SCN11A: variants seen among roughly 807,000 people sequenced by gnomAD.
SCN11A encodes the protein sodium channel protein type 11 subunit alpha.
In SCN11A, 122 loss-of-function variants were observed where a neutral mutation model predicts 162.2. The observed-to-expected ratio is 0.75, with a 90% confidence interval of 0.65 to 0.87. The LOEUF is 0.87. Among genes scored for constraint, SCN11A ranks in the 40% least tolerant of loss-of-function variants. SCN11A has a pLI of 0.00. For synonymous variants in SCN11A, 758 were observed against 751.5 expected, an observed-to-expected ratio of 1.01 and a Z score of -0.14; for missense variants, 2,015 against 2,181.6, an observed-to-expected ratio of 0.92 and a Z score of 1.52.
intron 7 of SCN11A, among the ~76,000 whole-genome samples, chr3:38,935,751 C>G (rs2066320818): frequency 6.6e-6 from 1 of 152,164 alleles, no homozygotes; most frequent in African/African-American, 2.4e-5. Flanking sequence ...CAAAAAGAGT[C>G]CAGGACCAGA....
At chr3:38,990,093 AG>A (rs2030405334) in intron 2 of SCN11A, among the ~76,000 whole-genome samples, 1 of 152,208 alleles carries the variant, frequency 6.6e-6, no homozygotes, top group Admixed American at 6.5e-5. Context: ...CCTGGGGATC[AG>A]GGGAAGTGCA....
At chr3:38,857,301 A>T (rs774874349) in intron 28 of SCN11A, among the ~76,000 whole-genome samples, 3 of 152,160 alleles carry the variant, frequency 2.0e-5, no homozygotes, top group Admixed American at 6.5e-5. Flanking sequence ...AATAGATATC[A>T]TAAAGAAAAA....
intron 2 of SCN11A, among the ~76,000 whole-genome samples, 190 bp from the exon 3 acceptor site, chr3:38,960,613 G>T (rs2066732780): frequency 6.6e-6 from 1 of 151,340 alleles, no homozygotes; most frequent in African/African-American, 2.4e-5. Flanking sequence ...ACAGGTTGTT[G>T]TTTTTTTTTC....
At chr3:38,906,316 G>A (rs950365967) in intron 14 of SCN11A, among the ~76,000 whole-genome samples, 5 of 151,962 alleles carry the variant, frequency 3.3e-5, no homozygotes, top group African/African-American at 1.2e-4. Context: ...CCTCCTTAAT[G>A]ATAAGAATAA....
At chr3:38,971,165 T>C (rs1352503575) in intron 2 of SCN11A, among the ~76,000 whole-genome samples, 1 of 152,082 alleles carries the variant, frequency 6.6e-6, no homozygotes, top group Non-Finnish European at 1.5e-5. Context: ...TCTTGTTTTT[T>C]TTTTTAACAG....
At chr3:38,915,646 T>C (rs536239153) in intron 11 of SCN11A, among the ~76,000 whole-genome samples, 47 of 152,330 alleles carry the variant, frequency 3.1e-4, no homozygotes, top group Non-Finnish European at 5.6e-4. Context: ...TCTATTTTTA[T>C]TGTGCTGTGG....
At chr3:38,982,270 T>C (rs1176196253) in intron 2 of SCN11A, among the ~76,000 whole-genome samples, 1 of 152,208 alleles carries the variant, frequency 6.6e-6, no homozygotes, top group Non-Finnish European at 1.5e-5. Context: ...GCCTACTCTG[T>C]GGGACCACAT....
intron 2 of SCN11A, among the ~76,000 whole-genome samples, chr3:39,031,534 C>CA (rs71622553): frequency 0.063 from 7,670 of 121,772 alleles, 329 homozygotes; most frequent in African/African-American, 0.16. Context: ...AAACAAAAAA[C>CA]AAACAAACAA....
chr3:39,042,973 A>AG lies in SCN11A; in HGVS notation c.-404+8887_-404+8888insC, dbSNP rs1559584038. On this transcript the variant is annotated intron_variant, in intron 1 of 29. Transcript: ENST00000302328. ...ACTCCATCTCAAAAAAAAAAAAAAA[A>AG]AAAAAAGAAAAAGAAAAAAGAAATG... Among the ~76,000 whole-genome samples, 594 of 141,174 alleles carry AG rather than the reference A, an allele frequency of 4.2e-3. 2 individuals are homozygous for AG. The highest frequency in any genetic ancestry group is 0.015 in the East Asian group (76 of 5,114). The allele number at this position is 141,174 out of a possible 152,430, so 92.6% of individuals were successfully genotyped here.
chr3:38,895,949 T>C (rs1442388475), intron 18 of SCN11A, among the ~76,000 whole-genome samples: 1 of 152,186 alleles, frequency 6.6e-6, no homozygotes, highest in African/African-American at 2.4e-5. Flanking sequence ...TATATTGCAC[T>C]ATAACCCCAA....
chr3:38,926,660 G>T, intron 8 of SCN11A, 143 bp downstream of exon 8: 1 of 835,164 alleles, frequency 1.2e-6, no homozygotes. Flanking sequence ...TGCTGTTCAG[G>T]GCCAACCAAC....
chr3:39,044,301 C>T (rs945536017), intron 1 of SCN11A, among the ~76,000 whole-genome samples: 11 of 152,136 alleles, frequency 7.2e-5, no homozygotes, highest in Non-Finnish European at 1.5e-4. Flanking sequence ...CAGATTTAAA[C>T]GGCAATATAG....
At chr3:38,873,032 A>G (rs1439401068) in intron 23 of SCN11A, among the ~76,000 whole-genome samples, 1 of 152,226 alleles carries the variant, frequency 6.6e-6, no homozygotes, top group Non-Finnish European at 1.5e-5. Flanking sequence ...TTCTCTCCCA[A>G]TATGCTTCTT....
chr3:38,910,318 T>C (rs2065869571), intron 11 of SCN11A, 111 bp from the exon 12 acceptor site: 1 of 1,061,772 alleles, frequency 9.4e-7, no homozygotes, highest in African/African-American at 1.6e-5. Flanking sequence ...CCAGGAGCCC[T>C]AGAGGAAGGG....
chr3:39,024,609 CATA>C (rs2031539247), intron 2 of SCN11A, among the ~76,000 whole-genome samples: 1 of 152,202 alleles, frequency 6.6e-6, no homozygotes, highest in Non-Finnish European at 1.5e-5. Flanking sequence ...AAAACCAGAA[CATA>C]ATACTCTAAC....
chr3:38,867,805 C>T (rs1049212477), intron 26 of SCN11A, among the ~76,000 whole-genome samples: 4 of 152,072 alleles, frequency 2.6e-5, no homozygotes, highest in African/African-American at 9.7e-5. Context: ...CTGGAGGGAA[C>T]CTGACTGGAG....
At chr3:38,983,543 C>A (rs112375658) in intron 2 of SCN11A, among the ~76,000 whole-genome samples, 1 of 152,032 alleles carries the variant, frequency 6.6e-6, no homozygotes, top group Non-Finnish European at 1.5e-5. Flanking sequence ...AAACAAGGAC[C>A]CTCCTATCAT....
At chr3:38,948,126 T>C (rs1290815130) in intron 5 of SCN11A, among the ~76,000 whole-genome samples, 7 of 152,154 alleles carry the variant, frequency 4.6e-5, no homozygotes, top group Admixed American at 4.6e-4. Context: ...CCCATAATAA[T>C]GAAATGAGCC....
In SCN11A at chr3:38,945,435, T is replaced by C. The variant is rs2066501624; in HGVS notation, c.464A>G (p.Asn155Ser). ...FMATGPAKNS[N>S]SNNTDIAECV... The stretch of plus-strand genomic sequence containing the variant: ...CTCTGCAATGTCAGTATTGTTACTG[T>C]TGCTGTTTTTAGCAGGCCCTGTAGC... Residue 155 changes from asparagine (N) to serine (S), a missense_variant, in exon 7 of 30, where the codon AAC becomes AGC. Transcript: ENST00000302328. The C allele has an allele frequency of 6.2e-7, 1 of 1,610,582 alleles. No individual in the cohort carries two copies. Among genetic ancestry groups the C allele is most frequent in the Non-Finnish European group, 8.5e-7 (1 of 1,177,340 alleles).
Sources: allele counts gnomAD v4.1 joint callset (sites outside exome capture counted in the v4.1 genomes callset), GRCh38; gene constraint gnomAD v4.1.1; transcripts MANE v1.5; gene names NCBI Gene and HGNC (gene_info 2026-07-23, HGNC 2026-07-21).